FOXN2: variants seen among roughly 807,000 people sequenced by gnomAD.
FOXN2 encodes the protein forkhead box protein N2.
Under a neutral mutation model 41.2 loss-of-function variants are expected in FOXN2, and 19 were observed. That is an observed-to-expected ratio of 0.46 (90% CI 0.32 to 0.68). The LOEUF is 0.68. Among genes scored for constraint, FOXN2 ranks in the 30% least tolerant of loss-of-function variants. The probability of loss-of-function intolerance (pLI) is 0.03; values close to 1 mark genes in which losing one functional copy is unlikely to be tolerated. For synonymous variants in FOXN2, 195 were observed against 176.8 expected (o/e 1.10, Z -0.82); for missense variants, 587 against 509.4 (o/e 1.15, Z -1.47).
chr2:48,333,751 C>T (rs1367530568), intron 2 of FOXN2, among the ~76,000 whole-genome samples: 1 of 152,102 alleles, frequency 6.6e-6, no homozygotes, highest in Admixed American at 6.5e-5. Flanking sequence ...CCTATAGTGG[C>T]AAAACATGAT....
intron 3 of FOXN2, among the ~76,000 whole-genome samples, chr2:48,350,414 C>A (rs1285817104): frequency 6.6e-6 from 1 of 152,192 alleles, no homozygotes; most frequent in Non-Finnish European, 1.5e-5. Flanking sequence ...GGCACATTGC[C>A]TTGTTAAATA....
chr2:48,375,149 A>G lies in FOXN2; in HGVS notation c.1002A>G (p.Pro334=), dbSNP rs1461344480. The change falls in exon 7 of 7, where the codon CCA becomes CCG. Residue 334 remains proline (P), a synonymous_variant. Coordinates refer to ENST00000340553, the MANE Select transcript of FOXN2 (RefSeq NM_002158.4). The part of the protein sequence containing the change: ...SSVDEVYEFI[P]KNSHVGSDGS... Reference sequence around the variant, plus strand: ...TGGATGAGGTATATGAATTTATCCCAAAGAATAGTCACGTGGGAAGTGATG... The same window carrying G: ...TGGATGAGGTATATGAATTTATCCCGAAGAATAGTCACGTGGGAAGTGATG... 28 of 1,614,032 alleles carry G rather than the reference A, an allele frequency of 1.7e-5. No homozygotes were observed. The highest frequency in any genetic ancestry group is 2.2e-5 in the Non-Finnish European group (26 of 1,180,000).
At chr2:48,322,131 A>G (rs1406838577) in intron 1 of FOXN2, among the ~76,000 whole-genome samples, 1 of 152,140 alleles carries the variant, frequency 6.6e-6, no homozygotes, top group Non-Finnish European at 1.5e-5. Flanking sequence ...TATTTTTAGT[A>G]GAGATGGGGT....
At chr2:48,336,408 CA>C (rs375315237) in intron 2 of FOXN2, among the ~76,000 whole-genome samples, 23 of 118,020 alleles carry the variant, frequency 1.9e-4, no homozygotes, top group Admixed American at 3.4e-4. Context: ...CCTCAGTTTC[CA>C]AAAAAAAAAA....
rs140853028 is a variant in FOXN2 at position 48,356,703 on chromosome 2, A to C, written c.538-2344A>C. Reference sequence around the variant, plus strand: ...AGACAAGGTGAGCAACTCTATTAAAATATACAGGACAAGTTCATAAAAACA... The same window carrying C: ...AGACAAGGTGAGCAACTCTATTAAACTATACAGGACAAGTTCATAAAAACA... On this transcript the variant is annotated intron_variant, in intron 3 of 6. Coordinates refer to ENST00000340553, the MANE Select transcript of FOXN2 (RefSeq NM_002158.4). Among the ~76,000 whole-genome samples, 7 of 152,348 alleles carry C rather than the reference A, an allele frequency of 4.6e-5. No individual in the cohort carries two copies. The East Asian group carries it at 1.3e-3, about 29-fold the overall frequency.
chr2:48,350,601 C>T (rs1403492016), intron 3 of FOXN2, among the ~76,000 whole-genome samples: 1 of 152,108 alleles, frequency 6.6e-6, no homozygotes, highest in Admixed American at 6.6e-5. Flanking sequence ...TGATCTTCAC[C>T]TTTTGCTTGT....
At chr2:48,341,648 A>G (rs1481437693) in intron 2 of FOXN2, among the ~76,000 whole-genome samples, 2 of 152,238 alleles carry the variant, frequency 1.3e-5, no homozygotes, top group African/African-American at 2.4e-5. Flanking sequence ...AGAAGAGCTC[A>G]TTAAACACTT....
intron 1 of FOXN2, among the ~76,000 whole-genome samples, chr2:48,322,165 C>G (rs1467987512): frequency 2.6e-5 from 4 of 152,276 alleles, no homozygotes; most frequent in Non-Finnish European, 5.9e-5. Flanking sequence ...CCAGGCTGGT[C>G]TCGAACTCCT....
intron 4 of FOXN2, among the ~76,000 whole-genome samples, chr2:48,361,086 C>G (rs981106491): frequency 1.3e-5 from 2 of 151,250 alleles, no homozygotes; most frequent in Non-Finnish European, 1.5e-5. Context: ...ATTTTGCTGT[C>G]TTTGATATAT....
intron 5 of FOXN2, among the ~76,000 whole-genome samples, chr2:48,372,684 C>A (rs1672983539): frequency 6.6e-6 from 1 of 151,980 alleles, no homozygotes; most frequent in Non-Finnish European, 1.5e-5. Flanking sequence ...AATGGAGTAT[C>A]CATTTGACTT....
In FOXN2 at chr2:48,375,316, G is replaced by A. The variant is rs779967615; in HGVS notation, c.1169G>A (p.Cys390Tyr). The change falls in exon 7 of 7, where the codon TGT (cysteine) becomes TAT (tyrosine). Residue 390 changes from cysteine to tyrosine, a missense_variant. By Grantham distance (194) the Cys-to-Tyr change is radical. Coordinates refer to ENST00000340553, the MANE Select transcript of FOXN2 (RefSeq NM_002158.4). ...QSGKKMRKQT[C>Y]QEIDEELKEA... ...GGCAAAAAGATGCGAAAACAGACAT[G>A]TCAAGAAATTGATGAGGAGCTCAAA... 2 of 1,613,736 alleles carry A rather than the reference G, an allele frequency of 1.2e-6. No homozygotes were observed. Among genetic ancestry groups the A allele is most frequent in the South Asian group, 2.2e-5 (2 of 91,072 alleles).
chr2:48,357,908 A>C (rs1239290501), intron 3 of FOXN2, among the ~76,000 whole-genome samples: 1 of 150,448 alleles, frequency 6.6e-6, no homozygotes, highest in African/African-American at 2.4e-5. Flanking sequence ...TTTTTAGTAT[A>C]GTTAATGTGA....
At chr2:48,314,926 C>A (rs1255213447) in intron 1 of FOXN2, 112 bp downstream of exon 1, 2 of 151,884 alleles carry the variant, frequency 1.3e-5, no homozygotes, top group African/African-American at 4.8e-5. Flanking sequence ...GCGTGGGGCG[C>A]GGAGGCGGCT....
intron 2 of FOXN2, among the ~76,000 whole-genome samples, chr2:48,332,486 T>C (rs1470041637): frequency 6.6e-6 from 1 of 152,174 alleles, no homozygotes; most frequent in Non-Finnish European, 1.5e-5. Context: ...GAAAGACGTA[T>C]TGTGGCACTC....
chr2:48,319,785 ATTTTTTTTTTTTT>A (rs545797179), intron 1 of FOXN2, among the ~76,000 whole-genome samples: 1 of 98,754 alleles, frequency 1.0e-5, no homozygotes, highest in African/African-American at 4.0e-5. Context: ...TAATTTTTTA[ATTTTTTTTTTTTT>A]TTTTTTTTTT....
At chr2:48,327,330 A>G (rs975639021) in intron 1 of FOXN2, among the ~76,000 whole-genome samples, 4 of 152,152 alleles carry the variant, frequency 2.6e-5, no homozygotes, top group East Asian at 3.9e-4. Flanking sequence ...CCACTAGACT[A>G]CTTAGCTATA....
chr2:48,347,714 G>T (rs114154638), intron 3 of FOXN2, among the ~76,000 whole-genome samples: 1 of 152,148 alleles, frequency 6.6e-6, no homozygotes, highest in African/African-American at 2.4e-5. Context: ...AGAAAAAGTT[G>T]CTTGGCACCT....
At chr2:48,328,957 T>G (rs369885390) in intron 2 of FOXN2, among the ~76,000 whole-genome samples, 63 of 152,314 alleles carry the variant, frequency 4.1e-4, no homozygotes, top group African/African-American at 1.4e-3. Context: ...GTCACCAGTT[T>G]TTTTTTAACC....
rs1673427114 is a variant in FOXN2 at position 48,379,169 on chromosome 2, A to G, written c.*3726A>G. The G allele has an allele frequency of 6.6e-6, 1 of 152,658 alleles. No homozygotes were observed. The highest frequency in any genetic ancestry group is 6.5e-5 in the Admixed American group (1 of 15,282). 9.5% of individuals were successfully genotyped at this position (152,658 alleles called of 1,614,324 possible). On this transcript the variant is annotated 3_prime_UTR_variant, in exon 7 of 7. Transcript: ENST00000340553. The stretch of plus-strand genomic sequence containing the variant: ...CCAATCTTTGCTCATATTAAAAACA[A>G]CTTACAAATACTTAGTTTTTGTATC...
Sources: gnomAD v4.1 joint callset for allele counts (sites outside exome capture counted in the v4.1 genomes callset) on GRCh38, gnomAD v4.1.1 for gene constraint, MANE v1.5 for transcripts, NCBI Gene and HGNC (gene_info 2026-07-23, HGNC 2026-07-21) for gene names.